LTN1: variants seen among roughly 807,000 people sequenced by gnomAD.
The protein encoded by LTN1 is listerin E3 ubiquitin protein ligase 1, also known as E3 ubiquitin-protein ligase listerin.
In LTN1, 88 loss-of-function variants were observed where a neutral mutation model predicts 201.2. That is an observed-to-expected ratio of 0.44 (90% CI 0.37 to 0.52). The LOEUF is 0.52. Among genes scored for constraint, LTN1 ranks in the 20% least tolerant of loss-of-function variants. The probability of loss-of-function intolerance (pLI) is 0.00; values close to 1 mark genes in which losing one functional copy is unlikely to be tolerated. For missense variants in LTN1, 1,752 were observed against 2,038.7 expected, an observed-to-expected ratio of 0.86 and a Z score of 2.71; for synonymous variants, 645 against 713.5, an observed-to-expected ratio of 0.90 and a Z score of 1.53.
At chr21:28,964,689 G>A in intron 11 of LTN1, 2 of 1,550,466 alleles carry the variant, frequency 1.3e-6, no homozygotes, top group Non-Finnish European at 1.7e-6. Context: ...CACTGGCTAG[G>A]AACTTCCAAT....
chr21:28,935,406 T>G, intron 26 of LTN1, 77 bp from the exon 27 acceptor site: 1 of 896,868 alleles, frequency 1.1e-6, no homozygotes, highest in Non-Finnish European at 1.8e-6. Flanking sequence ...GTATTTTCTT[T>G]AGAAAGTGAT....
intron 18 of LTN1, among the ~76,000 whole-genome samples, chr21:28,951,533 T>C (rs2084382552): frequency 6.6e-6 from 1 of 152,084 alleles, no homozygotes; most frequent in East Asian, 1.9e-4. Context: ...AAAAGAGTAT[T>C]AGGAAAGGGC....
In LTN1 at chr21:28,961,360, T is replaced by C. The variant is rs760676441; in HGVS notation, c.2164-654A>G. On this transcript the variant is annotated intron_variant, in intron 11 of 29. Transcript: ENST00000361371. ...ATTTATTTCCCCAAATTCTCTGATA[T>C]AGAGTTACTAGGGCCAGATATCTGA... is the stretch of plus-strand genomic sequence containing the variant. 34 of 156,490 alleles carry C rather than the reference T, an allele frequency of 2.2e-4. No individual in the cohort carries two copies. In the Middle Eastern group the frequency reaches 2.7e-3, roughly 12 times the overall value. 9.7% of individuals were successfully genotyped at this position (156,490 alleles called of 1,614,324 possible). A position where few individuals can be genotyped will look rare whatever the true frequency, so the allele number is the denominator to read the frequency against.
In LTN1 at chr21:28,960,699, G is replaced by A. The variant is rs780500633; in HGVS notation, c.2171C>T (p.Pro724Leu). 6.2e-7 allele frequency: 1 copy of A among 1,610,948 alleles called. No homozygotes were observed. Among genetic ancestry groups the A allele is most frequent in the Non-Finnish European group, 8.5e-7 (1 of 1,177,874 alleles). The change falls in exon 12 of 30, where the codon CCT becomes CTT. Residue 724 changes from proline (P) to leucine (L), a missense_variant. Physicochemically the swap from Pro to Leu is moderately conservative, Grantham distance 98. Coordinates refer to ENST00000361371, the MANE Select transcript of LTN1 (RefSeq NM_015565.3). ...SLLKIIEKAC[P>L]SSDKHALVTP... ...TACTAAAGCATGTTTATCTGAACTA[G>A]GACATGCCTAAAACCATAAAATTAA...
At chr21:28,964,387 G>C (rs769777292) in intron 11 of LTN1, among the ~76,000 whole-genome samples, 28 of 152,206 alleles carry the variant, frequency 1.8e-4, no homozygotes, top group Admixed American at 3.9e-4. Context: ...ACAACTCGCT[G>C]AAGGCTGAGA....
In LTN1 at chr21:28,948,250, G is replaced by T. The variant is rs1386395748; in HGVS notation, c.3345-644C>A. On this transcript the variant is annotated intron_variant, in intron 18 of 29. Coordinates refer to ENST00000361371, the MANE Select transcript of LTN1 (RefSeq NM_015565.3). ...TCAACTTAAATAAATAGTACCAGTT[G>T]TGTGTCCTTTCTTTTCTTTCTTTTT... Among the ~76,000 whole-genome samples the T allele has an allele frequency of 3.4e-5, 5 of 148,352 alleles. No homozygotes were observed. The East Asian group carries it at 9.8e-4, about 29-fold the overall frequency.
intron 1 of LTN1, among the ~76,000 whole-genome samples, chr21:28,989,541 C>A (rs1239702727): frequency 6.6e-6 from 1 of 151,758 alleles, no homozygotes; most frequent in South Asian, 2.1e-4. Context: ...TTTGTGGTGG[C>A]AATCCTGAGT....
At chr21:28,937,407 T>C (rs867284985) in intron 25 of LTN1, among the ~76,000 whole-genome samples, 41 of 152,358 alleles carry the variant, frequency 2.7e-4, no homozygotes, top group Middle Eastern at 3.4e-3. Context: ...GTATTTTTAA[T>C]TTTTGTGGGT....
At chr21:28,969,384 T>C (rs2084554309) in intron 9 of LTN1, 82 bp downstream of exon 9, 3 of 1,203,218 alleles carry the variant, frequency 2.5e-6, no homozygotes, top group Non-Finnish European at 3.4e-6. Flanking sequence ...GGCTTATTAC[T>C]GTAAATGGCA....
intron 21 of LTN1, among the ~76,000 whole-genome samples, chr21:28,945,432 T>G (rs1480297404): frequency 3.3e-5 from 5 of 152,182 alleles, no homozygotes; most frequent in Admixed American, 3.3e-4. Context: ...CTGCTACTAT[T>G]TAATGCATTA....
chr21:28,931,871 G>A (rs2084213558), intron 28 of LTN1, among the ~76,000 whole-genome samples: 1 of 152,134 alleles, frequency 6.6e-6, no homozygotes, highest in African/African-American at 2.4e-5. Context: ...AGGTGTGGTG[G>A]CGGGTGCCTG....
chr21:28,931,729 C>T lies in LTN1; in HGVS notation c.5071-407G>A, dbSNP rs151165374. 9.8e-4 allele frequency among the ~76,000 whole-genome samples: 149 copies of T among 152,240 alleles called. 1 individual carries two copies. The highest frequency in any genetic ancestry group is 3.4e-3 in the African/African-American group (141 of 41,568). Reference sequence around the variant, plus strand: ...TAAAATAGTTTTTCTTGGCCGGGAGCGGTAGCTCAAGCCTGTAATCCCAGC... The same window carrying T: ...TAAAATAGTTTTTCTTGGCCGGGAGTGGTAGCTCAAGCCTGTAATCCCAGC... On this transcript the variant is annotated intron_variant, in intron 28 of 29. Transcript: ENST00000361371.
chr21:28,949,819 A>G (rs907862798), intron 18 of LTN1, among the ~76,000 whole-genome samples: 3 of 144,964 alleles, frequency 2.1e-5, no homozygotes, highest in Non-Finnish European at 4.4e-5. Flanking sequence ...TGTAAAGGAG[A>G]AGGTCTCAGT....
At position 28,968,278 on chromosome 21, in the gene LTN1, T is replaced by C. The variant is rs1401327786; in HGVS notation, c.1312-1099A>G. Among the ~76,000 whole-genome samples the C allele has an allele frequency of 6.6e-5, 10 of 152,310 alleles. No homozygotes were observed. In the South Asian group the frequency reaches 2.1e-3, roughly 32 times the overall value. On this transcript the variant is annotated intron_variant, in intron 9 of 29. Coordinates refer to ENST00000361371, the MANE Select transcript of LTN1 (RefSeq NM_015565.3). ...ATCTTCTGGATTTAAGTGTTTTGCT[T>C]TTCTGCCTTAACTATAGGCAAATCT...
chr21:28,947,625 AAC>A lies in LTN1; in HGVS notation c.3345-21_3345-20del, dbSNP rs778823900. On this transcript the variant is annotated intron_variant, in intron 18 of 29. Transcript: ENST00000361371. ...AAAAAAACTGTTTAAAGAAAAAAAAAACACAAGTTAGATTTCTTCCAAACATA... is the reference window on the plus strand; with the variant it reads ...AAAAAAACTGTTTAAAGAAAAAAAAAACAAGTTAGATTTCTTCCAAACATA... The A allele has an allele frequency of 6.6e-5, 100 of 1,510,650 alleles. No homozygotes were observed. The South Asian group carries it at 9.3e-4, about 14-fold the overall frequency. 93.6% of individuals were successfully genotyped at this position (1,510,650 alleles called of 1,614,324 possible).
Position 28,986,186 on chromosome 21 carries a change from TCA to T in LTN1, c.296_297del (p.Val99GlufsTer17). The T allele has an allele frequency of 1.9e-6, 3 of 1,613,632 alleles. No homozygotes were observed. Among genetic ancestry groups the T allele is most frequent in the Non-Finnish European group, 2.5e-6 (3 of 1,179,600 alleles). ...TMCTERDTETVKGVLPYWPRI... is the reference protein window; with the variant it reads ...TMCTERDTETXKGVLPYWPRI... ...CTTGGCCAATATGGAAGAACTCCTT[TCA>T]CAGTTTCTGTGTCTCTCTCTGTACA... On this transcript the variant is annotated frameshift_variant, in exon 3 of 30. Coordinates refer to ENST00000361371, the MANE Select transcript of LTN1 (RefSeq NM_015565.3). LOFTEE classifies it high-confidence loss of function. The surrounding 1 kb of genome is among the most constrained non-coding windows in gnomAD (Gnocchi z 4.1).
At chr21:28,988,451 A>G (rs2084718189) in intron 1 of LTN1, among the ~76,000 whole-genome samples, 1 of 149,066 alleles carries the variant, frequency 6.7e-6, no homozygotes, top group Admixed American at 6.7e-5. Flanking sequence ...AGGGCAACAG[A>G]GCGAGGCTCT....
intron 14 of LTN1, among the ~76,000 whole-genome samples, chr21:28,957,978 T>G (rs1190854088): frequency 3.3e-5 from 5 of 152,162 alleles, no homozygotes; most frequent in African/African-American, 1.2e-4. Flanking sequence ...TGACAAAGGA[T>G]AGTATCACCA....
Position 28,971,461 on chromosome 21 carries a change from C to A in LTN1, c.811-17G>T, listed in dbSNP as rs750557780. 1.9e-6 allele frequency: 3 copies of A among 1,608,580 alleles called. No homozygotes were observed. The highest frequency in any genetic ancestry group is 1.7e-6 in the Non-Finnish European group (2 of 1,177,034). ...TGAGCGAATCTAAAAGAATGCAAAG[C>A]TGAATTAAATTAAAACCTAGTAAAA... On this transcript the variant is annotated splice_polypyrimidine_tract_variant and intron_variant, in intron 6 of 29. Coordinates refer to ENST00000361371, the MANE Select transcript of LTN1 (RefSeq NM_015565.3).
Sources: allele counts gnomAD v4.1 joint callset (sites outside exome capture counted in the v4.1 genomes callset), GRCh38; gene constraint gnomAD v4.1.1; non-coding constraint Gnocchi (gnomAD v3.1); transcripts MANE v1.5; gene names NCBI Gene and HGNC (gene_info 2026-07-23, HGNC 2026-07-21).